The following DIAPH3 variants were observed in gnomAD, a reference collection of about 807,000 sequenced individuals.
DIAPH3 encodes the protein diaphanous related formin 3.
Under a neutral mutation model 144.3 loss-of-function variants are expected in DIAPH3, and 117 were observed. The ratio of observed to expected loss-of-function variants is 0.81; its 90% CI spans 0.70 to 0.95. The LOEUF (loss-of-function observed/expected upper bound fraction) is 0.95, where lower values mean the gene tolerates loss of function less well. DIAPH3 is among the 40% of genes least tolerant of loss of function. The pLI, the probability that DIAPH3 is intolerant of heterozygous loss-of-function variation, is 0.00. For synonymous variants in DIAPH3, 519 were observed against 488.9 expected (o/e 1.06, Z -0.81); for missense variants, 1,421 against 1,412.7 (o/e 1.01, Z -0.09).
chr13:60,016,128 C>A lies in DIAPH3; in HGVS notation c.644G>T (p.Gly215Val), dbSNP rs867928786. The change falls in exon 6 of 28, where the codon GGA becomes GTA. Residue 215 changes from glycine to valine, a missense_variant. Physicochemically the swap from Gly to Val is moderately radical, Grantham distance 109. Coordinates refer to ENST00000400324, the MANE Select transcript of DIAPH3 (RefSeq NM_001042517.2). Reference sequence around the variant, plus strand: ...TAATAATAATCCAAGCCCTTCATGTCCAAAGCTTTCCACCCAACTGAAAAA... The same window carrying A: ...TAATAATAATCCAAGCCCTTCATGTACAAAGCTTTCCACCCAACTGAAAAA... Reference protein sequence around the residue: ...SNPVSWVESFGHEGLGLLLDI... With the variant: ...SNPVSWVESFVHEGLGLLLDI... 6.2e-7 allele frequency: 1 copy of A among 1,613,714 alleles called. No homozygotes were observed. Among genetic ancestry groups the A allele is most frequent in the Non-Finnish European group, 8.5e-7 (1 of 1,179,842 alleles).
intron 5 of DIAPH3, among the ~76,000 whole-genome samples, chr13:60,025,542 G>A (rs2141057096): frequency 6.6e-6 from 1 of 151,494 alleles, no homozygotes; most frequent in East Asian, 1.9e-4. Context: ...GTGGTAAGAG[G>A]AGAACCAAGT....
intron 21 of DIAPH3, among the ~76,000 whole-genome samples, chr13:59,872,793 C>G (rs142931643): frequency 6.6e-6 from 1 of 152,140 alleles, no homozygotes; most frequent in Non-Finnish European, 1.5e-5. Flanking sequence ...ATAAGCCTGA[C>G]GCCGAGGAGG....
rs1324633645 is a variant in DIAPH3, at chr13:60,156,918, C to CACATATATATATAT, written c.180+6668_180+6669insATATATATATATGT. Among the ~76,000 whole-genome samples the CACATATATATATAT allele has an allele frequency of 4.5e-4, 25 of 55,652 alleles. 1 individual carries two copies. The highest frequency in any genetic ancestry group is 6.2e-4 in the Non-Finnish European group (18 of 29,232). The allele number at this position is 55,652 out of a possible 152,430, so 36.5% of individuals were successfully genotyped here. ...TAGTGGCCCAGAGACCCAGATCCTT[C>CACATATATATATAT]ATATATATATATATATATATATTTT... is the stretch of plus-strand genomic sequence containing the variant. On this transcript the variant is annotated intron_variant, in intron 1 of 27. Coordinates refer to ENST00000400324, the MANE Select transcript of DIAPH3 (RefSeq NM_001042517.2).
At chr13:59,857,662 T>C (rs772806035) in intron 22 of DIAPH3, among the ~76,000 whole-genome samples, 1 of 152,102 alleles carries the variant, frequency 6.6e-6, no homozygotes, top group Non-Finnish European at 1.5e-5. Context: ...GTTCCTAAAG[T>C]ATAAGAATTC....
chr13:59,934,184 C>T (rs2048154338), intron 17 of DIAPH3, among the ~76,000 whole-genome samples: 2 of 152,066 alleles, frequency 1.3e-5, no homozygotes, highest in African/African-American at 4.8e-5. Context: ...GTAAATGTTA[C>T]TAATAAGTGT....
intron 1 of DIAPH3, among the ~76,000 whole-genome samples, chr13:60,155,418 C>T (rs1443395901): frequency 6.6e-6 from 1 of 152,072 alleles, no homozygotes; most frequent in Non-Finnish European, 1.5e-5. Flanking sequence ...CCCCAAAAAG[C>T]CACTTAATAT....
At chr13:59,694,745 T>C (rs1454723864) in intron 27 of DIAPH3, among the ~76,000 whole-genome samples, 1 of 152,130 alleles carries the variant, frequency 6.6e-6, no homozygotes, top group Non-Finnish European at 1.5e-5. Flanking sequence ...AAGTTACAGT[T>C]GTAGAATGAA....
At chr13:59,974,592 A>T in intron 14 of DIAPH3, 136 bp from the exon 15 acceptor site, 1 of 800,462 alleles carries the variant, frequency 1.2e-6, no homozygotes, top group Non-Finnish European at 2.0e-6. Flanking sequence ...GGAGTGATAG[A>T]GTTTTGAAAA....
intron 1 of DIAPH3, among the ~76,000 whole-genome samples, chr13:60,136,459 G>C (rs2059278143): frequency 6.8e-6 from 1 of 146,230 alleles, no homozygotes; most frequent in African/African-American, 2.5e-5. Context: ...CAAATTTTTA[G>C]GGTTATATTT....
At chr13:60,083,212 A>C (rs1316900722) in intron 4 of DIAPH3, among the ~76,000 whole-genome samples, 1 of 152,092 alleles carries the variant, frequency 6.6e-6, no homozygotes, top group Non-Finnish European at 1.5e-5. Flanking sequence ...ATTGTAACAC[A>C]TCAATTTTTA....
At chr13:60,011,037 G>A (rs1156403054) in intron 7 of DIAPH3, among the ~76,000 whole-genome samples, 3 of 151,676 alleles carry the variant, frequency 2.0e-5, no homozygotes, top group East Asian at 1.9e-4. Context: ...CCCGAGAGGT[G>A]GACATTGCAG....
At chr13:59,720,508 T>A (rs541838701) in intron 27 of DIAPH3, among the ~76,000 whole-genome samples, 17 of 152,318 alleles carry the variant, frequency 1.1e-4, no homozygotes, top group Admixed American at 9.1e-4. Flanking sequence ...TATGTCATAA[T>A]CATTTCTTCT....
In DIAPH3 at chr13:59,861,444, A is replaced by G. The variant is rs370846105; in HGVS notation, c.2700T>C (p.Phe900=). ...CEEKYPDILN[F]VDDLEPLDKA... ...TGTCTAAAGGTTCCAAATCATCCAC[A>G]AAATTCAGTATATCAGGGTACTTCT... The change falls in exon 22 of 28, where the codon TTT becomes TTC. Residue 900 remains phenylalanine, a synonymous_variant. Transcript: ENST00000400324. 1.2e-6 allele frequency: 2 copies of G among 1,613,828 alleles called. No homozygotes were observed. The highest frequency in any genetic ancestry group is 1.7e-6 in the Non-Finnish European group (2 of 1,179,886).
intron 4 of DIAPH3, among the ~76,000 whole-genome samples, chr13:60,063,377 G>A (rs2056841241): frequency 6.6e-6 from 1 of 152,082 alleles, no homozygotes; most frequent in Admixed American, 6.5e-5. Flanking sequence ...ACCCCTCAAA[G>A]TCATCAATGA....
Position 59,666,759 on chromosome 13 carries a change from A to G in DIAPH3, c.3407T>C (p.Leu1136Pro). The G allele has an allele frequency of 6.2e-7, 1 of 1,614,098 alleles. No homozygotes were observed. Among genetic ancestry groups the G allele is most frequent in the Non-Finnish European group, 8.5e-7 (1 of 1,180,004 alleles). Residue 1136 changes from leucine (L) to proline (P), a missense_variant, in exon 28 of 28, where the codon CTT becomes CCT. Leu to Pro is a moderately conservative substitution (Grantham distance 98). Coordinates refer to ENST00000400324, the MANE Select transcript of DIAPH3 (RefSeq NM_001042517.2). ...NSTRTPVAKE[L>P]NYNLDTHTST... ...CGTATGAGTGTCTAGATTATAATTA[A>G]GCTCCTTGGCGACTGGAGTCCTTGT...
intron 20 of DIAPH3, among the ~76,000 whole-genome samples, chr13:59,904,737 G>T (rs895523264): frequency 6.6e-6 from 1 of 152,052 alleles, no homozygotes; most frequent in African/African-American, 2.4e-5. Context: ...GCAAGATACA[G>T]CAGACGTCAT....
Position 59,666,814 on chromosome 13 carries a change from G to A in DIAPH3, c.3352C>T (p.Arg1118Cys), listed in dbSNP as rs76626460. Residue 1118 changes from arginine (R) to cysteine (C), a missense_variant, in exon 28 of 28, where the codon CGT becomes TGT. Physicochemically the swap from Arg to Cys is radical, Grantham distance 180. Transcript: ENST00000400324. ...TTGCAATTGATATTGTAGTGTGAAC[G>A]TGACCCTTCTGTCAACTGCACTTTC... is the stretch of plus-strand genomic sequence containing the variant. ...NQKVQLTEGS[R>C]SHYNINCNST... 5.3e-5 allele frequency: 85 copies of A among 1,614,098 alleles called. No homozygotes were observed. The African/African-American group carries it at 8.9e-4, about 17-fold the overall frequency.
At chr13:59,711,542 C>A (rs2034741633) in intron 27 of DIAPH3, among the ~76,000 whole-genome samples, 1 of 152,126 alleles carries the variant, frequency 6.6e-6, no homozygotes, top group Non-Finnish European at 1.5e-5. Flanking sequence ...GTTGCCACCA[C>A]CACCATCACC....
chr13:60,032,835 C>G (rs1445961805), intron 5 of DIAPH3, among the ~76,000 whole-genome samples: 1 of 152,188 alleles, frequency 6.6e-6, no homozygotes, highest in Non-Finnish European at 1.5e-5. Flanking sequence ...CTGAAAAAAC[C>G]TTTTTCTTTG....
Sources: gnomAD v4.1 joint callset for allele counts (sites outside exome capture counted in the v4.1 genomes callset) on GRCh38, gnomAD v4.1.1 for gene constraint, MANE v1.5 for transcripts, NCBI Gene and HGNC (gene_info 2026-07-23, HGNC 2026-07-21) for gene names.